Variants in ERC1 observed in about 807,000 individuals in gnomAD.
ERC1 encodes the protein RAB6 interacting protein 2.
In ERC1, 56 loss-of-function variants were observed where a neutral mutation model predicts 132.0. The ratio of observed to expected loss-of-function variants is 0.42; its 90% CI spans 0.34 to 0.53. The LOEUF (loss-of-function observed/expected upper bound fraction) is 0.53, where lower values mean the gene tolerates loss of function less well. Among genes scored for constraint, ERC1 ranks in the 20% least tolerant of loss-of-function variants. The pLI is 0.03. For synonymous variants in ERC1, 478 were observed against 476.1 expected, an observed-to-expected ratio of 1.00 and a Z score of -0.05; for missense variants, 1,202 against 1,349.9, an observed-to-expected ratio of 0.89 and a Z score of 1.72.
chr12:1,276,411 G>A (rs1299479364), intron 14 of ERC1, among the ~76,000 whole-genome samples: 1 of 150,978 alleles, frequency 6.6e-6, no homozygotes, highest in Non-Finnish European at 1.5e-5. Context: ...CTAATTTTTT[G>A]TTATTTTTAG....
intron 16 of ERC1, among the ~76,000 whole-genome samples, chr12:1,376,035 C>T (rs906567906): frequency 1.3e-5 from 2 of 152,146 alleles, no homozygotes. Context: ...CGTGCCCGGC[C>T]TGGCTCTACT....
intron 13 of ERC1, among the ~76,000 whole-genome samples, chr12:1,261,131 A>G (rs2077117398): frequency 2.0e-5 from 3 of 152,158 alleles, no homozygotes; most frequent in Admixed American, 6.6e-5. Flanking sequence ...CCACAAAGCT[A>G]TTTTTGCCCC....
At position 1,315,292 on chromosome 12, in the gene ERC1, T is replaced by C. The variant is rs140002174; in HGVS notation, c.2780+25280T>C. Among the ~76,000 whole-genome samples, 565 of 152,092 alleles carry C rather than the reference T, an allele frequency of 3.7e-3. 6 individuals are homozygous for C. The highest frequency in any genetic ancestry group is 0.02 in the Middle Eastern group (6 of 294). ...TCGGCCTTCCAAAGTGCTGGGATTA[T>C]AGAAGTGAGCCACTGCGCCCAGCCC... On this transcript the variant is annotated intron_variant, in intron 15 of 18. Transcript: ENST00000360905.
chr12:1,233,064 A>G (rs372297025), intron 12 of ERC1, among the ~76,000 whole-genome samples: 13 of 152,354 alleles, frequency 8.5e-5, no homozygotes, highest in African/African-American at 3.1e-4. Context: ...GGAAAAGTTC[A>G]TTAGTGCATG....
At chr12:1,406,976 A>C (rs1376626485) in intron 16 of ERC1, among the ~76,000 whole-genome samples, 1 of 152,216 alleles carries the variant, frequency 6.6e-6, no homozygotes, top group Admixed American at 6.5e-5. Context: ...AGTTTTAACA[A>C]TATTTTACTA....
chr12:1,204,468 A>G, intron 12 of ERC1: 3 of 1,565,298 alleles, frequency 1.9e-6, no homozygotes, highest in Non-Finnish European at 2.6e-6. Flanking sequence ...TTTCTTTTTC[A>G]CATTTTCTTC....
intron 1 of ERC1, among the ~76,000 whole-genome samples, chr12:1,005,696 T>C: frequency 6.6e-6 from 1 of 152,164 alleles, no homozygotes; most frequent in East Asian, 1.9e-4. Flanking sequence ...AGTTCTTATC[T>C]GGTTTCCTGT....
At chr12:1,179,506 T>C (rs1009077700) in intron 8 of ERC1, among the ~76,000 whole-genome samples, 5 of 73,814 alleles carry the variant, frequency 6.8e-5, no homozygotes, top group East Asian at 4.8e-4. Flanking sequence ...TTTTCTTTTT[T>C]TTTTTTTTTT....
chr12:1,056,093 G>A (rs1972909392), intron 2 of ERC1, among the ~76,000 whole-genome samples: 2 of 148,070 alleles, frequency 1.4e-5, no homozygotes, highest in Admixed American at 6.7e-5. Context: ...TTAAAAAAAA[G>A]GTGAATGTCA....
At chr12:1,469,821 G>A (rs1400678714) in intron 18 of ERC1, among the ~76,000 whole-genome samples, 2 of 152,042 alleles carry the variant, frequency 1.3e-5, no homozygotes, top group Non-Finnish European at 2.9e-5. Flanking sequence ...TTTCCCTTTA[G>A]CAATCCAAAA....
At chr12:1,338,126 C>A (rs565901585) in intron 15 of ERC1, among the ~76,000 whole-genome samples, 9 of 152,146 alleles carry the variant, frequency 5.9e-5, no homozygotes, top group African/African-American at 2.2e-4. Context: ...TCCTGAAATA[C>A]GTTTTCAGTT....
At chr12:1,444,864 G>T (rs1592110451) in intron 18 of ERC1, 114 bp downstream of exon 18, 1 of 854,494 alleles carries the variant, frequency 1.2e-6, no homozygotes, top group East Asian at 2.6e-5. Context: ...GATGCAGTGG[G>T]GGCTACCTTG....
At chr12:1,384,466 A>C (rs1006514761) in intron 16 of ERC1, among the ~76,000 whole-genome samples, 3 of 152,252 alleles carry the variant, frequency 2.0e-5, no homozygotes, top group Admixed American at 1.3e-4. Flanking sequence ...ATGTATACAT[A>C]GACAAGATGT....
At chr12:1,276,306 G>A (rs1177838687) in intron 14 of ERC1, among the ~76,000 whole-genome samples, 2 of 150,124 alleles carry the variant, frequency 1.3e-5, no homozygotes, top group African/African-American at 2.5e-5. Flanking sequence ...GCGTGATCTC[G>A]GCTCACTGCA....
intron 8 of ERC1, among the ~76,000 whole-genome samples, chr12:1,168,349 C>T (rs1051814188): frequency 6.6e-6 from 1 of 152,044 alleles, no homozygotes; most frequent in African/African-American, 2.4e-5. Flanking sequence ...GTCTCAAACT[C>T]CTGGGATCAA....
chr12:1,288,669 G>A (rs755121832), intron 14 of ERC1, among the ~76,000 whole-genome samples: 1 of 152,168 alleles, frequency 6.6e-6, no homozygotes, highest in Non-Finnish European at 1.5e-5. Flanking sequence ...CTCTGTTTTA[G>A]TATCACACAA....
At chr12:1,161,062 T>G (rs1399117401) in intron 8 of ERC1, among the ~76,000 whole-genome samples, 1 of 152,214 alleles carries the variant, frequency 6.6e-6, no homozygotes, top group Non-Finnish European at 1.5e-5. Flanking sequence ...AAAATTATGT[T>G]CTTGTGGGTC....
intron 14 of ERC1, among the ~76,000 whole-genome samples, chr12:1,263,797 C>G (rs1408864366): frequency 6.6e-6 from 1 of 151,984 alleles, no homozygotes; most frequent in Non-Finnish European, 1.5e-5. Flanking sequence ...TCAAGTGATT[C>G]TCCTGCCTCA....
At chr12:1,196,850 C>CTCTGTCTG (rs1956307802) in intron 12 of ERC1, among the ~76,000 whole-genome samples, 1 of 133,008 alleles carries the variant, frequency 7.5e-6, no homozygotes, top group African/African-American at 3.1e-5. Context: ...CTCTGTCTGT[C>CTCTGTCTG]TCTCTCTCAC....
Sources: allele counts gnomAD v4.1 joint callset (sites outside exome capture counted in the v4.1 genomes callset), GRCh38; gene constraint gnomAD v4.1.1; transcripts MANE v1.5; gene names NCBI Gene and HGNC (gene_info 2026-07-23, HGNC 2026-07-21).